Variants in PCGF3 observed in about 807,000 individuals in gnomAD.
PCGF3 encodes polycomb group RING finger protein 3.
A neutral mutation model predicts 33.1 loss-of-function variants in PCGF3; 7 were observed. The ratio of observed to expected loss-of-function variants is 0.21; its 90% CI spans 0.12 to 0.40. The LOEUF (loss-of-function observed/expected upper bound fraction) is 0.40, where lower values mean the gene tolerates loss of function less well. PCGF3 is among the 10% of genes least tolerant of loss of function. PCGF3 has a pLI of 1.00. For synonymous variants in PCGF3, 153 were observed against 121.3 expected (o/e 1.26, Z -1.72); for missense variants, 211 against 313.3 (o/e 0.67, Z 2.46).
chr4:730,726 C>T (rs1443554027), intron 2 of PCGF3, 58 bp downstream of exon 2: 3 of 301,792 alleles, frequency 9.9e-6, no homozygotes, highest in East Asian at 5.2e-5. Context: ...TGCCGGACTC[C>T]GCCGGGACCA....
exon 11 of PCGF3, chr4:766,132 G>A (rs577279947): frequency 4.4e-5 from 66 of 1,491,346 alleles, no homozygotes; most frequent in African/African-American, 4.0e-4. Flanking sequence ...GGGTGCTCCC[G>A]GCCGCCGCGC....
At chr4:756,805 G>A (rs1744788681) in intron 8 of PCGF3, among the ~76,000 whole-genome samples, 1 of 152,176 alleles carries the variant, frequency 6.6e-6, no homozygotes, top group African/African-American at 2.4e-5. Context: ...TCCCCCAGCA[G>A]GGTTAGATCG....
At chr4:714,182 G>A (rs1419417008) in intron 1 of PCGF3, among the ~76,000 whole-genome samples, 1 of 152,182 alleles carries the variant, frequency 6.6e-6, no homozygotes, top group Non-Finnish European at 1.5e-5. Context: ...AAATCTGCGA[G>A]CGCCTTGATT....
intron 1 of PCGF3, among the ~76,000 whole-genome samples, chr4:726,587 A>C (rs1743342939): frequency 6.6e-6 from 1 of 151,954 alleles, no homozygotes; most frequent in Non-Finnish European, 1.5e-5. Flanking sequence ...CTGTCTCGTA[A>C]ATCTTCTCCT....
In PCGF3 at chr4:733,279, A is replaced by G. The variant is rs115084733; in HGVS notation, c.-9-393A>G. Among the ~76,000 whole-genome samples, 1,079 of 152,266 alleles carry G rather than the reference A, an allele frequency of 7.1e-3. 13 individuals are homozygous for G. The highest frequency in any genetic ancestry group is 0.025 in the African/African-American group (1,033 of 41,560). On this transcript the variant is annotated intron_variant, in intron 3 of 10. Coordinates refer to ENST00000362003, the Ensembl canonical transcript of PCGF3. ...AGGTGCCCAGAGCCTGCCCATCCTC[A>G]TCCCACCCGGCAGCTCTGCCTTCGC...
At chr4:713,375 CGTGGCCTTGTGGGTCCTGT>C (rs1742664539) in intron 1 of PCGF3, among the ~76,000 whole-genome samples, 1 of 95,542 alleles carries the variant, frequency 1.0e-5, no homozygotes, top group Non-Finnish European at 2.0e-5. Flanking sequence ...TCATGGGAGC[CGTGGCCTTGTGGGTCCTGT>C]GTGGCCTTGT....
intron 3 of PCGF3, among the ~76,000 whole-genome samples, chr4:733,160 C>T (rs1035863496): frequency 6.6e-6 from 1 of 150,888 alleles, no homozygotes; most frequent in African/African-American, 2.5e-5. Context: ...GAAGCCGCGC[C>T]GGCCCCACAA....
intron 8 of PCGF3, among the ~76,000 whole-genome samples, chr4:747,847 C>T (rs1744330729): frequency 6.6e-6 from 1 of 151,622 alleles, no homozygotes; most frequent in South Asian, 2.1e-4. Flanking sequence ...CACCCAAGGG[C>T]TGCTGTTTTC....
chr4:753,907 T>G (rs1241124254), intron 8 of PCGF3, among the ~76,000 whole-genome samples: 1 of 152,200 alleles, frequency 6.6e-6, no homozygotes, highest in Non-Finnish European at 1.5e-5. Context: ...CACTCCAGCC[T>G]GGGTAACAAG....
At chr4:755,349 C>G (rs1037736608) in intron 8 of PCGF3, among the ~76,000 whole-genome samples, 3 of 152,048 alleles carry the variant, frequency 2.0e-5, no homozygotes, top group African/African-American at 7.2e-5. Context: ...CGACTCATCG[C>G]ACGTCTCTGG....
chr4:713,304 T>A (rs1182870644), intron 1 of PCGF3, among the ~76,000 whole-genome samples: 1 of 96,336 alleles, frequency 1.0e-5, no homozygotes, highest in East Asian at 3.1e-4. Context: ...TCATGGGGGC[T>A]GTAGCCTTGT....
chr4:713,032 G>GCCTGTGGGC (rs1271858685), intron 1 of PCGF3, among the ~76,000 whole-genome samples: 26 of 150,396 alleles, frequency 1.7e-4, no homozygotes, highest in African/African-American at 5.9e-4. Context: ...GGCCTGTGGG[G>GCCTGTGGGC]CCTGTGGGCC....
At position 708,881 on chromosome 4, in the gene PCGF3, T is replaced by A. The variant is rs1742446987; in HGVS notation, c.-190+2911T>A. 2.6e-5 allele frequency among the ~76,000 whole-genome samples: 4 copies of A among 152,114 alleles called. No homozygotes were observed. In the South Asian group the frequency reaches 8.3e-4, roughly 32 times the overall value. On this transcript the variant is annotated intron_variant, in intron 1 of 10. Coordinates refer to ENST00000362003, the Ensembl canonical transcript of PCGF3. ...TGGAGCAGGCAAGGCTATTTCCCAC[T>A]CCCTCTCTAGTAAGGGAAGGAATTA...
At position 720,515 on chromosome 4, in the gene PCGF3, T is replaced by C. The variant is rs1743028245; in HGVS notation, c.-189-10115T>C. ...GGGTAGGGCCTCCTGCCAGGGAGCCTTGTGCATGGCTGGGAGGACGGCAAG... is the reference window on the plus strand; with the variant it reads ...GGGTAGGGCCTCCTGCCAGGGAGCCCTGTGCATGGCTGGGAGGACGGCAAG... On this transcript the variant is annotated intron_variant, in intron 1 of 10. Coordinates refer to ENST00000362003, the Ensembl canonical transcript of PCGF3. The surrounding 1 kb of genome is among the most constrained non-coding windows in gnomAD (Gnocchi z 5.6). Among the ~76,000 whole-genome samples, 2 of 152,126 alleles carry C rather than the reference T, an allele frequency of 1.3e-5. No individual in the cohort carries two copies. Among genetic ancestry groups the C allele is most frequent in the Admixed American group, 1.3e-4 (2 of 15,276 alleles).
At chr4:728,253 A>G (rs955428034) in intron 1 of PCGF3, among the ~76,000 whole-genome samples, 3 of 152,244 alleles carry the variant, frequency 2.0e-5, no homozygotes, top group Non-Finnish European at 2.9e-5. Flanking sequence ...TAACAGTACA[A>G]CAATAACAAT....
intron 9 of PCGF3, among the ~76,000 whole-genome samples, chr4:763,268 TG>T (rs1745170006): frequency 6.6e-6 from 1 of 152,114 alleles, no homozygotes; most frequent in Non-Finnish European, 1.5e-5. Context: ...AGGAAGTCCT[TG>T]GATTTTCATG....
At chr4:743,618 G>A (rs754614583) in intron 7 of PCGF3, 34 bp downstream of exon 7, 34 of 1,261,568 alleles carry the variant, frequency 2.7e-5, no homozygotes, top group Non-Finnish European at 3.7e-5. Flanking sequence ...AGAAGCCCCG[G>A]GAATCCCCTG....
At chr4:754,641 T>A (rs1033817433) in intron 8 of PCGF3, among the ~76,000 whole-genome samples, 1 of 152,118 alleles carries the variant, frequency 6.6e-6, no homozygotes, top group Non-Finnish European at 1.5e-5. Context: ...GAGGTGAGGT[T>A]GGGGACCTTG....
chr4:743,699 G>A, intron 7 of PCGF3, 115 bp downstream of exon 7: 1 of 655,376 alleles, frequency 1.5e-6, no homozygotes, highest in Admixed American at 2.5e-5. Flanking sequence ...GGAGAACGTG[G>A]GGGAACCTGA....
Sources: allele counts gnomAD v4.1 joint callset (sites outside exome capture counted in the v4.1 genomes callset), GRCh38; gene constraint gnomAD v4.1.1; non-coding constraint Gnocchi (gnomAD v3.1); transcripts MANE v1.5; gene names NCBI Gene and HGNC (gene_info 2026-07-23, HGNC 2026-07-21).